The following DPP10 variants were observed in gnomAD, a reference collection of about 807,000 sequenced individuals.
DPP10 encodes the protein inactive dipeptidyl peptidase 10.
A neutral mutation model predicts 120.9 loss-of-function variants in DPP10; 33 were observed. The ratio of observed to expected loss-of-function variants is 0.27; its 90% confidence interval spans 0.21 to 0.37. The LOEUF is 0.37. Ranked by LOEUF, DPP10 falls within the 10% of genes least tolerant of loss-of-function variation. The pLI is 1.00. For synonymous variants in DPP10, 337 were observed against 326.1 expected, an observed-to-expected ratio of 1.03 and a Z score of -0.36; for missense variants, 816 against 942.8, an observed-to-expected ratio of 0.87 and a Z score of 1.76.
chr2:115,643,873 A>G (rs2086995220), intron 5 of DPP10, among the ~76,000 whole-genome samples: 3 of 152,222 alleles, frequency 2.0e-5, no homozygotes, highest in Admixed American at 2.0e-4. Flanking sequence ...ACCATTGTCT[A>G]AACAGTTCAC....
intron 1 of DPP10, among the ~76,000 whole-genome samples, chr2:114,495,858 G>A (rs137895096): frequency 6.6e-6 from 1 of 152,278 alleles, no homozygotes; most frequent in East Asian, 1.9e-4. Context: ...TGTCTGAGAA[G>A]CAAATGCTAA....
intron 1 of DPP10, among the ~76,000 whole-genome samples, chr2:114,711,746 A>C (rs539498141): frequency 1.3e-5 from 2 of 152,216 alleles, no homozygotes; most frequent in Non-Finnish European, 2.9e-5. Flanking sequence ...AGAAGAGAGA[A>C]CTGTTTTGTT....
intron 5 of DPP10, among the ~76,000 whole-genome samples, chr2:115,583,412 C>G (rs1023474809): frequency 6.6e-6 from 1 of 152,158 alleles, no homozygotes. Flanking sequence ...CAGTTGCAAA[C>G]GTGCTGGTCT....
chr2:115,561,113 C>T (rs1463160848), intron 5 of DPP10, among the ~76,000 whole-genome samples: 1 of 152,064 alleles, frequency 6.6e-6, no homozygotes, highest in Non-Finnish European at 1.5e-5. Flanking sequence ...CTTTGGGAGG[C>T]CAAGGCGGGT....
intron 3 of DPP10, among the ~76,000 whole-genome samples, chr2:115,478,436 C>A (rs900641839): frequency 6.6e-6 from 1 of 152,032 alleles, no homozygotes; most frequent in Non-Finnish European, 1.5e-5. Flanking sequence ...AAGTGTTAAA[C>A]CTAAAACTAT....
chr2:115,616,524 T>C (rs76750232), intron 5 of DPP10, among the ~76,000 whole-genome samples: 1,722 of 152,278 alleles, frequency 0.011, 29 homozygotes, highest in African/African-American at 0.04. Context: ...ATTTCCAATT[T>C]TGCCAGCAGT....
intron 1 of DPP10, among the ~76,000 whole-genome samples, chr2:114,707,772 A>G (rs1241817570): frequency 6.6e-6 from 1 of 152,186 alleles, no homozygotes; most frequent in African/African-American, 2.4e-5. Flanking sequence ...CAAGTAGAGC[A>G]ATGGCCAGAG....
In DPP10 at chr2:115,069,910, C is replaced by T. The variant is rs138959243; in HGVS notation, c.61-239329C>T. Among the ~76,000 whole-genome samples, 52 of 151,432 alleles carry T rather than the reference C, an allele frequency of 3.4e-4. No homozygotes were observed. The East Asian group carries it at 5.0e-3, about 15-fold the overall frequency. ...TTATATGTATGTATAAAACATTTAG[C>T]GTAAAAGCATTCAATTGATTTTAAT... On this transcript the variant is annotated intron_variant, in intron 1 of 25. Transcript: ENST00000410059.
chr2:114,916,698 A>G (rs1467682947), intron 1 of DPP10, among the ~76,000 whole-genome samples: 1 of 152,246 alleles, frequency 6.6e-6, no homozygotes, highest in African/African-American at 2.4e-5. Flanking sequence ...GTGATTCATC[A>G]CATAAAGAGA....
chr2:114,942,320 T>TATATACAC (rs869121143), intron 1 of DPP10, among the ~76,000 whole-genome samples: 5 of 123,980 alleles, frequency 4.0e-5, no homozygotes, highest in African/African-American at 1.6e-4. Context: ...TATATATATA[T>TATATACAC]ACACACACAT....
At chr2:115,290,381 A>T (rs777289243) in intron 1 of DPP10, among the ~76,000 whole-genome samples, 13 of 152,242 alleles carry the variant, frequency 8.5e-5, no homozygotes, top group Non-Finnish European at 1.3e-4. Context: ...GGATTAATGG[A>T]TGATAGAGGT....
intron 5 of DPP10, among the ~76,000 whole-genome samples, chr2:115,669,777 C>G (rs1195891130): frequency 1.3e-5 from 2 of 152,046 alleles, no homozygotes; most frequent in Admixed American, 6.6e-5. Context: ...GTCATTGCCA[C>G]CATAGCATAA....
chr2:114,736,813 T>C (rs1169918339), intron 1 of DPP10, among the ~76,000 whole-genome samples: 2 of 152,228 alleles, frequency 1.3e-5, no homozygotes, highest in Admixed American at 1.3e-4. Context: ...TTGCATGGTA[T>C]AGATGTACTC....
chr2:114,786,310 T>C (rs1682761487), intron 1 of DPP10, among the ~76,000 whole-genome samples: 1 of 152,196 alleles, frequency 6.6e-6, no homozygotes, highest in South Asian at 2.1e-4. Context: ...AACTTACTTC[T>C]TTAGAAGGAC....
intron 1 of DPP10, among the ~76,000 whole-genome samples, chr2:114,982,511 C>A (rs1042155772): frequency 1.3e-5 from 2 of 151,970 alleles, no homozygotes; most frequent in African/African-American, 4.8e-5. Context: ...GTAGGAAGTA[C>A]AAGCCTTCTT....
intron 21 of DPP10, among the ~76,000 whole-genome samples, chr2:115,826,906 C>T (rs1688376498): frequency 6.6e-6 from 1 of 152,016 alleles, no homozygotes; most frequent in Admixed American, 6.6e-5. Context: ...TTGGGTCTTG[C>T]TTTTTTATTC....
At chr2:114,507,443 G>A (rs75588976) in intron 1 of DPP10, among the ~76,000 whole-genome samples, 2,958 of 152,210 alleles carry the variant, frequency 0.019, 96 homozygotes, top group African/African-American at 0.067. Context: ...TTTGTGATAC[G>A]TACGTGGTTA....
rs1046109915 is a variant in DPP10, at chr2:114,638,875, T to C, written c.60+196037T>C. On this transcript the variant is annotated intron_variant, in intron 1 of 25. Transcript: ENST00000410059. ...AGCACTATTTACAATAGCAAAACCA[T>C]AGGAGCAAGTTAGGCGCCCATGAGT... Among the ~76,000 whole-genome samples the C allele has an allele frequency of 1.2e-4, 18 of 151,734 alleles. 2 individuals carry two copies. Among genetic ancestry groups the C allele is most frequent in the African/African-American group, 4.4e-4 (18 of 41,102 alleles).
chr2:114,474,528 A>G (rs1277711657), intron 1 of DPP10, among the ~76,000 whole-genome samples: 1 of 152,182 alleles, frequency 6.6e-6, no homozygotes, highest in Non-Finnish European at 1.5e-5. Context: ...GGGACTGAGT[A>G]AATACAGGGC....
Sources: allele counts gnomAD v4.1 joint callset (sites outside exome capture counted in the v4.1 genomes callset), GRCh38; gene constraint gnomAD v4.1.1; transcripts MANE v1.5; gene names NCBI Gene and HGNC (gene_info 2026-07-23, HGNC 2026-07-21).